The following NTAQ1 variants were observed in gnomAD, a reference collection of about 807,000 sequenced individuals.
The protein encoded by NTAQ1 is protein N-terminal glutamine amidohydrolase.
NTAQ1 carries 21 observed loss-of-function variants against 28.2 expected under a neutral mutation model. The observed-to-expected ratio is 0.74, with a 90% CI of 0.53 to 1.07. The LOEUF (loss-of-function observed/expected upper bound fraction) is 1.07, where lower values mean the gene tolerates loss of function less well. NTAQ1 is among the 50% of genes least tolerant of loss of function. The pLI is 0.00. For synonymous variants in NTAQ1, 105 were observed against 90.0 expected (o/e 1.17, Z -0.94); for missense variants, 264 against 256.6 (o/e 1.03, Z -0.20).
chr8:123,447,845 A>G (rs1815346100), intron 6 of NTAQ1, among the ~76,000 whole-genome samples: 1 of 152,242 alleles, frequency 6.6e-6, no homozygotes, highest in Non-Finnish European at 1.5e-5. Flanking sequence ...CTTGGGCTGT[A>G]GTTTGCTGTC....
At chr8:123,450,891 C>T (rs533363571), downstream of NTAQ1, among the ~76,000 whole-genome samples, 14 of 152,280 alleles carry the variant, frequency 9.2e-5, no homozygotes, top group African/African-American at 3.1e-4. Context: ...AAAAACCAGA[C>T]TATCTCATTC....
downstream of NTAQ1, among the ~76,000 whole-genome samples, chr8:123,444,013 A>G (rs964968880): frequency 1.7e-4 from 25 of 150,068 alleles, no homozygotes; most frequent in African/African-American, 4.4e-4. Flanking sequence ...AGGAACTGTT[A>G]TTTATGTCTC....
intron 4 of NTAQ1, 125 bp downstream of exon 4, chr8:123,436,726 G>GT (rs2130296491): frequency 9.9e-7 from 1 of 1,010,078 alleles, no homozygotes; most frequent in East Asian, 2.6e-5. Context: ...TTGAGTTGAT[G>GT]TTTAAGAATG....
downstream of NTAQ1, among the ~76,000 whole-genome samples, chr8:123,471,262 C>G (rs538445989): frequency 6.6e-6 from 1 of 152,106 alleles, no homozygotes; most frequent in African/African-American, 2.4e-5. Context: ...ATCAGTCATA[C>G]CAGGTTAAAG....
downstream of NTAQ1, among the ~76,000 whole-genome samples, chr8:123,443,800 G>A (rs1467170931): frequency 1.3e-5 from 2 of 151,916 alleles, no homozygotes; most frequent in African/African-American, 2.4e-5. Context: ...CTTGAACTCC[G>A]GGACTCAAGC....
rs749242758 is a variant in NTAQ1 at position 123,427,956 on chromosome 8, T to C, written c.116T>C (p.Ile39Thr). 6.2e-6 allele frequency: 10 copies of C among 1,610,204 alleles called. No homozygotes were observed. In the South Asian group the frequency reaches 1.0e-4, roughly 16 times the overall value. ...AATATTTGGAAGCTCTGTGAATACA[T>C]CAAAAACCATGACCAGTATCCTTTA... ...EENIWKLCEY[I>T]KNHDQYPLEE... Residue 39 changes from isoleucine to threonine, a missense_variant, in exon 2 of 6, where the codon ATC (isoleucine) becomes ACC (threonine). Ile to Thr is a moderately conservative substitution (Grantham distance 89). Coordinates refer to ENST00000287387, the MANE Select transcript of NTAQ1 (RefSeq NM_018024.3).
chr8:123,474,967 T>G (rs1014468605), downstream of NTAQ1, among the ~76,000 whole-genome samples: 1 of 152,236 alleles, frequency 6.6e-6, no homozygotes, highest in African/African-American at 2.4e-5. Context: ...CTATGGATGA[T>G]TCTTGCCTGC....
At chr8:123,457,104 T>A (rs1815670912) in intron 6 of NTAQ1, among the ~76,000 whole-genome samples, 1 of 152,218 alleles carries the variant, frequency 6.6e-6, no homozygotes, top group Non-Finnish European at 1.5e-5. Context: ...TCTCCCTCTG[T>A]CACCTAGGCT....
chr8:123,429,987 C>T lies in NTAQ1; in HGVS notation c.188C>T (p.Pro63Leu), dbSNP rs1310088817. The change falls in exon 3 of 6, where the codon CCT becomes CTT. Residue 63 changes from proline (P) to leucine (L), a missense_variant. Pro to Leu is a moderately conservative substitution (Grantham distance 98, BLOSUM62 -3). Coordinates refer to ENST00000287387, the MANE Select transcript of NTAQ1 (RefSeq NM_018024.3). ...GAAATGTATTGTATTTTGTAGATACCTATCTGGAAACAACAGGCGAGACCT... is the reference window on the plus strand; with the variant it reads ...GAAATGTATTGTATTTTGTAGATACTTATCTGGAAACAACAGGCGAGACCT... ...VFISNERKMI[P>L]IWKQQARPGD... 1 of 1,610,950 alleles carries T rather than the reference C, an allele frequency of 6.2e-7. No individual in the cohort carries two copies. The highest frequency in any genetic ancestry group is 8.5e-7 in the Non-Finnish European group (1 of 1,178,298).
At chr8:123,446,243 G>A (rs1436332800), downstream of NTAQ1, among the ~76,000 whole-genome samples, 1 of 151,282 alleles carries the variant, frequency 6.6e-6, no homozygotes, top group Admixed American at 6.6e-5. Flanking sequence ...GGCCTCAAGT[G>A]ATTCCCCCCA....
chr8:123,425,259 T>C (rs1813976310), intron 1 of NTAQ1, among the ~76,000 whole-genome samples: 1 of 151,760 alleles, frequency 6.6e-6, no homozygotes, highest in Non-Finnish European at 1.5e-5. Flanking sequence ...GCCCAGCTAA[T>C]TTTTGTATTT....
At chr8:123,424,360 A>T (rs1165289166) in intron 1 of NTAQ1, among the ~76,000 whole-genome samples, 1 of 152,006 alleles carries the variant, frequency 6.6e-6, no homozygotes, top group Non-Finnish European at 1.5e-5. Context: ...CTCCTGCCTC[A>T]GCCTCCTGAG....
downstream of NTAQ1, among the ~76,000 whole-genome samples, chr8:123,448,848 C>T (rs975339894): frequency 1.7e-4 from 26 of 152,206 alleles, no homozygotes; most frequent in Non-Finnish European, 2.4e-4. Flanking sequence ...AGGCTTGTCC[C>T]GTGGGCTAGA....
chr8:123,422,996 A>G (rs923787266), intron 1 of NTAQ1, among the ~76,000 whole-genome samples: 3 of 152,052 alleles, frequency 2.0e-5, no homozygotes, highest in African/African-American at 4.8e-5. Flanking sequence ...AACCTGTTCC[A>G]TTGGTCCGTG....
At chr8:123,429,919 AG>A (rs1451092951) in intron 2 of NTAQ1, 63 bp from the exon 3 acceptor site, 4 of 1,118,818 alleles carry the variant, frequency 3.6e-6, no homozygotes, top group South Asian at 3.0e-5. Context: ...AAAAAAAAAA[AG>A]GAAAATAATT....
intron 5 of NTAQ1, chr8:123,438,272 A>G (rs764316867): frequency 1.1e-4 from 77 of 685,044 alleles, no homozygotes; most frequent in Admixed American, 3.1e-4. Context: ...CTTAGGGGTG[A>G]GATCATCCCA....
downstream of NTAQ1, among the ~76,000 whole-genome samples, chr8:123,442,738 G>A (rs976865342): frequency 2.6e-5 from 4 of 151,360 alleles, no homozygotes; most frequent in African/African-American, 9.7e-5. Context: ...GCACGATCTC[G>A]GCTCACTGTA....
downstream of NTAQ1, among the ~76,000 whole-genome samples, chr8:123,449,597 G>T (rs1815410009): frequency 6.6e-6 from 1 of 152,020 alleles, no homozygotes; most frequent in East Asian, 1.9e-4. Flanking sequence ...TTGTGGAGAA[G>T]ACAGACAATG....
At chr8:123,474,082 C>T (rs1342289276), downstream of NTAQ1, among the ~76,000 whole-genome samples, 1 of 151,960 alleles carries the variant, frequency 6.6e-6, no homozygotes, top group Non-Finnish European at 1.5e-5. Flanking sequence ...ATTTCGTCAC[C>T]CAGCTTCCCC....
Sources: gnomAD v4.1 joint callset for allele counts (sites outside exome capture counted in the v4.1 genomes callset) on GRCh38, gnomAD v4.1.1 for gene constraint, MANE v1.5 for transcripts, NCBI Gene and HGNC (gene_info 2026-07-23, HGNC 2026-07-21) for gene names.